The following SLC39A11 variants were observed in gnomAD, a reference collection of about 807,000 sequenced individuals.
The protein encoded by SLC39A11 is solute carrier family 39 member 11.
Under a neutral mutation model 36.1 loss-of-function variants are expected in SLC39A11, and 33 were observed. That is an observed-to-expected ratio of 0.91 (90% confidence interval 0.69 to 1.22). The LOEUF is 1.22. Among genes scored for constraint, SLC39A11 ranks in the 50% most tolerant of loss-of-function variants. The pLI is 0.00. For synonymous variants in SLC39A11, 166 were observed against 170.3 expected, an observed-to-expected ratio of 0.97 and a Z score of 0.20; for missense variants, 432 against 430.3, an observed-to-expected ratio of 1.00 and a Z score of -0.03.
intron 3 of SLC39A11, among the ~76,000 whole-genome samples, chr17:73,037,314 G>A (rs1310627148): frequency 2.6e-5 from 4 of 152,196 alleles, no homozygotes; most frequent in Non-Finnish European, 5.9e-5. Flanking sequence ...GCACAGGTGG[G>A]GAGGTGAAAC....
chr17:72,705,293 C>A (rs1000084794), intron 7 of SLC39A11, among the ~76,000 whole-genome samples: 11 of 152,208 alleles, frequency 7.2e-5, no homozygotes, highest in African/African-American at 2.7e-4. Flanking sequence ...CCTGCTCCCT[C>A]TCCCCCAACC....
intron 5 of SLC39A11, among the ~76,000 whole-genome samples, chr17:72,922,972 A>C (rs1489393634): frequency 6.1e-5 from 9 of 147,756 alleles, no homozygotes; most frequent in East Asian, 3.9e-4. Flanking sequence ...AAAAAAAAAA[A>C]AAAAAAAAAA....
At chr17:72,650,079 A>C (rs1353528923) in intron 7 of SLC39A11, among the ~76,000 whole-genome samples, 3 of 152,240 alleles carry the variant, frequency 2.0e-5, no homozygotes, top group Non-Finnish European at 4.4e-5. Context: ...CCACTTCAGA[A>C]ATGGGACAAG....
At chr17:72,954,832 C>A (rs1005609773) in intron 4 of SLC39A11, among the ~76,000 whole-genome samples, 4 of 152,196 alleles carry the variant, frequency 2.6e-5, no homozygotes, top group Non-Finnish European at 5.9e-5. Flanking sequence ...AGCTAAGAAG[C>A]AAACAGGGAC....
At chr17:73,054,191 G>C (rs931365523) in intron 3 of SLC39A11, among the ~76,000 whole-genome samples, 1 of 151,824 alleles carries the variant, frequency 6.6e-6, no homozygotes, top group Non-Finnish European at 1.5e-5. Context: ...GTGAAACCCC[G>C]TGTCTACTAA....
Position 72,728,834 on chromosome 17 carries a change from G to C in SLC39A11, c.671+7816C>G, listed in dbSNP as rs180917133. On this transcript the variant is annotated intron_variant, in intron 7 of 9. Coordinates refer to ENST00000255559, the MANE Select transcript of SLC39A11 (RefSeq NM_139177.4). ...TCCCTCTCAGTTCACTCCACGGCAC[G>C]AGATTAACCTACGTCTCCTTGTCAC... is the stretch of plus-strand genomic sequence containing the variant. Among the ~76,000 whole-genome samples the C allele has an allele frequency of 3.2e-4, 48 of 152,078 alleles. 1 individual carries two copies. Among genetic ancestry groups the C allele is most frequent in the Admixed American group, 2.9e-3 (44 of 15,264 alleles).
chr17:72,684,839 T>G (rs1196407162), intron 7 of SLC39A11, among the ~76,000 whole-genome samples: 1 of 152,188 alleles, frequency 6.6e-6, no homozygotes, highest in East Asian at 1.9e-4. Flanking sequence ...GTTGGTGCTC[T>G]GTGTGGGTGC....
intron 4 of SLC39A11, among the ~76,000 whole-genome samples, chr17:72,990,139 C>T (rs995353670): frequency 3.9e-5 from 6 of 152,180 alleles, no homozygotes; most frequent in Non-Finnish European, 7.3e-5. Context: ...TGGTGACATG[C>T]ACTACCCTTA....
chr17:72,905,667 C>T (rs1418283405), intron 5 of SLC39A11, among the ~76,000 whole-genome samples: 1 of 152,010 alleles, frequency 6.6e-6, no homozygotes, highest in Non-Finnish European at 1.5e-5. Context: ...TCTCAGCTCA[C>T]GGCAGCCTTA....
At chr17:73,075,470 T>C (rs553527729) in intron 3 of SLC39A11, among the ~76,000 whole-genome samples, 1 of 152,326 alleles carries the variant, frequency 6.6e-6, no homozygotes, top group Non-Finnish European at 1.5e-5. Context: ...TTGTTTCTTG[T>C]CTGTAAACAA....
intron 5 of SLC39A11, among the ~76,000 whole-genome samples, chr17:72,870,562 GC>G (rs1363065001): frequency 6.6e-6 from 1 of 152,232 alleles, no homozygotes; most frequent in Non-Finnish European, 1.5e-5. Flanking sequence ...AGCAAAGCAA[GC>G]AGCCAAGACC....
chr17:72,777,761 T>C (rs2076181788), intron 6 of SLC39A11, among the ~76,000 whole-genome samples: 1 of 152,168 alleles, frequency 6.6e-6, no homozygotes, highest in African/African-American at 2.4e-5. Context: ...ACTGAGTTTG[T>C]GGTACTTTGT....
At chr17:73,013,352 T>A (rs1168613760) in intron 4 of SLC39A11, among the ~76,000 whole-genome samples, 1 of 152,248 alleles carries the variant, frequency 6.6e-6, no homozygotes, top group Non-Finnish European at 1.5e-5. Context: ...CCTCCCAAAG[T>A]GTGAGGATTA....
At chr17:72,662,628 G>GAAGAAAGAGA (rs1555630766) in intron 7 of SLC39A11, among the ~76,000 whole-genome samples, 14 of 122,908 alleles carry the variant, frequency 1.1e-4, no homozygotes, top group South Asian at 1.1e-3. Context: ...AGAAGAAAGA[G>GAAGAAAGAGA]AAGAAAGAGA....
intron 3 of SLC39A11, among the ~76,000 whole-genome samples, chr17:73,033,272 CG>C (rs2058798750): frequency 6.6e-6 from 1 of 152,252 alleles, no homozygotes; most frequent in Non-Finnish European, 1.5e-5. Flanking sequence ...GTCCATGGCC[CG>C]GGGATTGGGG....
At chr17:73,047,990 A>AAAAAAAAAAATATATATATATAT (rs1555693446) in intron 3 of SLC39A11, among the ~76,000 whole-genome samples, 1 of 58,700 alleles carries the variant, frequency 1.7e-5, no homozygotes, top group Non-Finnish European at 3.0e-5. Context: ...AAAAAAAAAA[A>AAAAAAAAAAATATATATATATAT]ATATATATAT....
At chr17:72,867,005 C>A (rs570166852) in intron 5 of SLC39A11, among the ~76,000 whole-genome samples, 1 of 152,116 alleles carries the variant, frequency 6.6e-6, no homozygotes. Flanking sequence ...TGGAAGCAAC[C>A]ATTGATTGTA....
At chr17:72,815,881 A>C (rs2145463812) in intron 6 of SLC39A11, among the ~76,000 whole-genome samples, 1 of 152,358 alleles carries the variant, frequency 6.6e-6, no homozygotes, top group Non-Finnish European at 1.5e-5. Flanking sequence ...AGATTGGGCC[A>C]TTGCACTCCA....
At chr17:72,766,878 G>A (rs940691400) in intron 6 of SLC39A11, among the ~76,000 whole-genome samples, 2 of 152,140 alleles carry the variant, frequency 1.3e-5, no homozygotes, top group Non-Finnish European at 2.9e-5. Flanking sequence ...TCTCTGACCA[G>A]AAACATTCCA....
Sources: gnomAD v4.1 joint callset for allele counts (sites outside exome capture counted in the v4.1 genomes callset) on GRCh38, gnomAD v4.1.1 for gene constraint, MANE v1.5 for transcripts, NCBI Gene and HGNC (gene_info 2026-07-23, HGNC 2026-07-21) for gene names.